Variants in PPME1 observed in about 807,000 individuals in gnomAD.
PPME1 encodes testicular secretory protein Li 39.
Under a neutral mutation model 56.9 loss-of-function variants are expected in PPME1, and 17 were observed. The observed-to-expected ratio is 0.30, with a 90% CI of 0.20 to 0.45. The LOEUF is 0.45. Among genes scored for constraint, PPME1 ranks in the 20% least tolerant of loss-of-function variants. PPME1 has a pLI of 1.00. For synonymous variants in PPME1, 122 were observed against 156.2 expected, an observed-to-expected ratio of 0.78 and a Z score of 1.63; for missense variants, 357 against 483.2, an observed-to-expected ratio of 0.74 and a Z score of 2.45.
chr11:74,197,785 T>C (rs1228336773), intron 1 of PPME1, among the ~76,000 whole-genome samples: 1 of 152,194 alleles, frequency 6.6e-6, no homozygotes, highest in East Asian at 1.9e-4. Context: ...TAATTTGGGA[T>C]TCGTAGATAG....
chr11:74,197,779 T>G (rs1459569968), intron 1 of PPME1, among the ~76,000 whole-genome samples: 1 of 152,192 alleles, frequency 6.6e-6, no homozygotes, highest in African/African-American at 2.4e-5. Context: ...GGTTCTTAAT[T>G]TGGGATTCGT....
At chr11:74,239,776 T>G (rs1187396317) in intron 9 of PPME1, among the ~76,000 whole-genome samples, 1 of 151,102 alleles carries the variant, frequency 6.6e-6, no homozygotes, top group African/African-American at 2.4e-5. Flanking sequence ...GAGACGGGGT[T>G]TCACCGGGTT....
chr11:74,186,324 A>G (rs1857681889), intron 1 of PPME1, among the ~76,000 whole-genome samples: 1 of 152,150 alleles, frequency 6.6e-6, no homozygotes, highest in African/African-American at 2.4e-5. Context: ...CCCAATCATT[A>G]CTATCCCTAC....
At chr11:74,211,259 GA>G (rs1565384888) in intron 3 of PPME1, among the ~76,000 whole-genome samples, 1 of 152,084 alleles carries the variant, frequency 6.6e-6, no homozygotes, top group Non-Finnish European at 1.5e-5. Context: ...ATCCCAGTGG[GA>G]TTTTTTCATG....
chr11:74,242,443 G>A (rs1228520391), intron 9 of PPME1, among the ~76,000 whole-genome samples: 2 of 152,078 alleles, frequency 1.3e-5, no homozygotes. Flanking sequence ...TCTTTTTCAA[G>A]GTTATTGACA....
At position 74,251,632 on chromosome 11, in the gene PPME1, T is replaced by G; in HGVS notation, c.1075-16T>G. On this transcript the variant is annotated splice_polypyrimidine_tract_variant and intron_variant, in intron 12 of 13. Coordinates refer to ENST00000328257, the MANE Select transcript of PPME1 (RefSeq NM_016147.3). ...ACTAACCTTTATATGGCCTGGAATA[T>G]CTCTCCCATTTCCAGGTAGCTGAAG... 1 of 1,612,224 alleles carries G rather than the reference T, an allele frequency of 6.2e-7. No individual in the cohort carries two copies. Among genetic ancestry groups the G allele is most frequent in the Non-Finnish European group, 8.5e-7 (1 of 1,179,214 alleles).
intron 1 of PPME1, among the ~76,000 whole-genome samples, chr11:74,179,352 G>C (rs1384047678): frequency 3.3e-5 from 5 of 152,314 alleles, no homozygotes; most frequent in Non-Finnish European, 2.9e-5. Context: ...AAAACAACCA[G>C]GCATGGTGGT....
At chr11:74,229,416 A>G (rs932848097) in intron 5 of PPME1, among the ~76,000 whole-genome samples, 1 of 152,200 alleles carries the variant, frequency 6.6e-6, no homozygotes, top group African/African-American at 2.4e-5. Context: ...TGCTATAGCA[A>G]GGAAGGCCTA....
At chr11:74,253,371 TG>T (rs371709340) in intron 13 of PPME1, 120 bp from the exon 14 acceptor site, 4 of 979,402 alleles carry the variant, frequency 4.1e-6, no homozygotes, top group African/African-American at 3.2e-5. Context: ...GGCTGTGAAA[TG>T]GGTCAGATTT....
In PPME1 at chr11:74,184,989, C is replaced by CTTTT. The variant is rs559947122; in HGVS notation, c.101+13492_101+13495dup. Among the ~76,000 whole-genome samples the CTTTT allele has an allele frequency of 1.2e-3, 111 of 95,738 alleles. 11 individuals are homozygous for CTTTT. Among genetic ancestry groups the CTTTT allele is most frequent in the South Asian group, 2.9e-3 (8 of 2,770 alleles). 62.8% of individuals were successfully genotyped at this position (95,738 alleles called of 152,430 possible). Reference sequence around the variant, plus strand: ...TTTACTGTTTGCTTATGAAGTATGTCTTTTTTTTTTTTTTTTTTTTTTTTT... The same window carrying CTTTT: ...TTTACTGTTTGCTTATGAAGTATGTCTTTTTTTTTTTTTTTTTTTTTTTTTTTTT... On this transcript the variant is annotated intron_variant, in intron 1 of 13. Transcript: ENST00000328257.
chr11:74,178,699 A>G (rs888654931), intron 1 of PPME1, among the ~76,000 whole-genome samples: 1 of 151,870 alleles, frequency 6.6e-6, no homozygotes, highest in Admixed American at 6.6e-5. Flanking sequence ...GCCCCTTGAC[A>G]TTCATTTCAG....
chr11:74,240,751 G>C (rs1166095676), intron 9 of PPME1, among the ~76,000 whole-genome samples: 1 of 152,148 alleles, frequency 6.6e-6, no homozygotes, highest in Non-Finnish European at 1.5e-5. Context: ...CCCATATTAT[G>C]GTGTAGAATC....
chr11:74,184,182 T>G (rs911148009), intron 1 of PPME1, among the ~76,000 whole-genome samples: 2 of 152,208 alleles, frequency 1.3e-5, no homozygotes, highest in African/African-American at 2.4e-5. Context: ...TCTAGCTTGT[T>G]TCATTTAATC....
At chr11:74,218,118 T>C (rs1460694579) in intron 3 of PPME1, among the ~76,000 whole-genome samples, 2 of 152,128 alleles carry the variant, frequency 1.3e-5, no homozygotes, top group East Asian at 3.8e-4. Flanking sequence ...AGCAGCATTC[T>C]TATATGCCAA....
chr11:74,237,349 C>A (rs953676162), intron 8 of PPME1, among the ~76,000 whole-genome samples: 2 of 148,304 alleles, frequency 1.3e-5, no homozygotes, highest in Non-Finnish European at 3.0e-5. Context: ...GATCTCAGCT[C>A]ACTGCAACCT....
chr11:74,253,342 T>C (rs1454918091), intron 13 of PPME1, 150 bp from the exon 14 acceptor site: 1 of 756,516 alleles, frequency 1.3e-6, no homozygotes, highest in African/African-American at 1.7e-5. Flanking sequence ...GAGCAGACCC[T>C]GGGTCCAGCT....
intron 1 of PPME1, among the ~76,000 whole-genome samples, chr11:74,192,739 A>C (rs1192405855): frequency 6.6e-6 from 1 of 151,314 alleles, no homozygotes; most frequent in Non-Finnish European, 1.5e-5. Flanking sequence ...AGAGTGTGGC[A>C]CCTCCCCCTT....
intron 3 of PPME1, among the ~76,000 whole-genome samples, chr11:74,212,583 GGA>G (rs1250019245): frequency 6.6e-6 from 1 of 152,060 alleles, no homozygotes; most frequent in East Asian, 1.9e-4. Context: ...TGCAGCTCTG[GGA>G]GAGACTCCTT....
At chr11:74,196,936 T>C (rs1425334121) in intron 1 of PPME1, among the ~76,000 whole-genome samples, 2 of 152,196 alleles carry the variant, frequency 1.3e-5, no homozygotes, top group East Asian at 1.9e-4. Flanking sequence ...CCCTTAACCA[T>C]AAACACCTAG....
Sources: allele counts gnomAD v4.1 joint callset (sites outside exome capture counted in the v4.1 genomes callset), GRCh38; gene constraint gnomAD v4.1.1; transcripts MANE v1.5; gene names NCBI Gene and HGNC (gene_info 2026-07-23, HGNC 2026-07-21).